MFSD1: variants seen among roughly 807,000 people sequenced by gnomAD.
MFSD1 encodes lysosomal dipeptide transporter MFSD1.
In MFSD1, 59 loss-of-function variants were observed where a neutral mutation model predicts 67.1. That is an observed-to-expected ratio of 0.88 (90% CI 0.71 to 1.09). The LOEUF is 1.09. Ranked by LOEUF, MFSD1 falls within the 50% of genes least tolerant of loss-of-function variation. The pLI is 0.00. For synonymous variants in MFSD1, 213 were observed against 200.3 expected, an observed-to-expected ratio of 1.06 and a Z score of -0.54; for missense variants, 552 against 566.1, an observed-to-expected ratio of 0.97 and a Z score of 0.25.
intron 7 of MFSD1, among the ~76,000 whole-genome samples, chr3:158,815,096 A>T (rs1017110926): frequency 1.3e-5 from 2 of 152,186 alleles, no homozygotes; most frequent in Admixed American, 6.5e-5. Context: ...ACAAACAAAC[A>T]AAAAAACAAC....
At chr3:158,804,001 T>C (rs747917065) in intron 1 of MFSD1, among the ~76,000 whole-genome samples, 1 of 152,210 alleles carries the variant, frequency 6.6e-6, no homozygotes, top group Non-Finnish European at 1.5e-5. Context: ...ATAAATAAAA[T>C]ATAGATGCTT....
chr3:158,806,882 T>C (rs1420917121), intron 3 of MFSD1, among the ~76,000 whole-genome samples, 158 bp from the exon 4 acceptor site: 4 of 152,320 alleles, frequency 2.6e-5, no homozygotes, highest in South Asian at 4.1e-4. Context: ...ATGAGCCCTT[T>C]ATTTTTCTTT....
intron 3 of MFSD1, among the ~76,000 whole-genome samples, chr3:158,805,721 C>T (rs1387191374): frequency 6.6e-6 from 1 of 152,202 alleles, no homozygotes. Flanking sequence ...AAATTATACT[C>T]ACCCTTGGGA....
intron 15 of MFSD1, among the ~76,000 whole-genome samples, chr3:158,827,931 A>AGG (rs1731081963): frequency 5.3e-5 from 1 of 18,974 alleles, no homozygotes. Context: ...AGAGAGAGAG[A>AGG]GAGAGAGAGA....
At chr3:158,810,327 G>A (rs1253616035) in intron 6 of MFSD1, among the ~76,000 whole-genome samples, 1 of 151,794 alleles carries the variant, frequency 6.6e-6, no homozygotes, top group Non-Finnish European at 1.5e-5. Flanking sequence ...AATTTTTTTT[G>A]CCACTAAAAA....
At chr3:158,821,532 C>G in intron 9 of MFSD1, 65 bp from the exon 10 acceptor site, 1 of 1,058,462 alleles carries the variant, frequency 9.4e-7, no homozygotes, top group Non-Finnish European at 1.4e-6. Context: ...TTTTATTCAA[C>G]TTTATTTTTT....
At chr3:158,815,561 G>A (rs1730280975) in intron 7 of MFSD1, among the ~76,000 whole-genome samples, 1 of 150,732 alleles carries the variant, frequency 6.6e-6, no homozygotes, top group African/African-American at 2.4e-5. Flanking sequence ...TGGTAGAAAA[G>A]GTACCATAAT....
At chr3:158,818,929 A>G (rs1375319327) in intron 7 of MFSD1, among the ~76,000 whole-genome samples, 1 of 152,238 alleles carries the variant, frequency 6.6e-6, no homozygotes, top group African/African-American at 2.4e-5. Context: ...TTCCATGTCC[A>G]AGGTGATTCA....
chr3:158,810,604 T>TA (rs754122988), intron 6 of MFSD1, among the ~76,000 whole-genome samples: 2 of 152,212 alleles, frequency 1.3e-5, no homozygotes, highest in Admixed American at 6.5e-5. Flanking sequence ...CTCCATAGGC[T>TA]AAGTGGCTAG....
At position 158,826,077 on chromosome 3, in the gene MFSD1, T is replaced by C; in HGVS notation, c.1336+15T>C. The C allele has an allele frequency of 3.7e-6, 6 of 1,611,608 alleles. No individual in the cohort carries two copies. The highest frequency in any genetic ancestry group is 5.1e-6 in the Non-Finnish European group (6 of 1,177,884). On this transcript the variant is annotated intron_variant, in intron 14 of 15. Transcript: ENST00000415822. The stretch of plus-strand genomic sequence containing the variant: ...TCGTGCCCAGGGTAAGTAGAAGATC[T>C]GATATTTGCTTCTTAAACCGCAGTG...
chr3:158,807,907 A>C (rs1729807765), intron 5 of MFSD1, among the ~76,000 whole-genome samples: 1 of 152,226 alleles, frequency 6.6e-6, no homozygotes, highest in Non-Finnish European at 1.5e-5. Context: ...ATTCTGTGTG[A>C]ATTCTTATAG....
chr3:158,815,689 C>T (rs1238333026), intron 7 of MFSD1, among the ~76,000 whole-genome samples: 2 of 150,212 alleles, frequency 1.3e-5, no homozygotes, highest in Admixed American at 6.7e-5. Flanking sequence ...TTTTAGGGTA[C>T]ATGTGCACAA....
intron 6 of MFSD1, among the ~76,000 whole-genome samples, chr3:158,813,759 A>G (rs552067043): frequency 1.5e-5 from 2 of 133,998 alleles, no homozygotes; most frequent in South Asian, 4.7e-4. Context: ...TTTCTAATAA[A>G]TTGGCTTTTT....
At chr3:158,802,566 C>T in intron 1 of MFSD1, 1 of 697,284 alleles carries the variant, frequency 1.4e-6, no homozygotes, top group Non-Finnish European at 2.6e-6. Flanking sequence ...CTTTGCTCTT[C>T]AGTAAGTCCC....
intron 6 of MFSD1, 73 bp downstream of exon 6, chr3:158,809,360 A>G: frequency 1.0e-6 from 1 of 984,862 alleles, no homozygotes; most frequent in East Asian, 2.4e-5. Flanking sequence ...CTTAAAAATC[A>G]CAGGATGAAA....
chr3:158,808,966 C>T (rs75025639), intron 5 of MFSD1: 1 of 432,090 alleles, frequency 2.3e-6, no homozygotes, highest in African/African-American at 2.0e-5. Context: ...GGTGATGTCA[C>T]CTTTTATAAC....
Position 158,804,398 on chromosome 3 carries a change from T to A in MFSD1, c.216+27T>A, listed in dbSNP as rs146954097. 2.3e-4 allele frequency: 364 copies of A among 1,594,044 alleles called. 1 individual carries two copies. The African/African-American group carries it at 4.4e-3, about 19-fold the overall frequency. On this transcript the variant is annotated intron_variant, in intron 2 of 15. Coordinates refer to ENST00000415822, the MANE Select transcript of MFSD1 (RefSeq NM_022736.4). ...TAAGTTGATTTTTCACTCTTGTTTCTTTTGTTTTCTTTAGAGCAAGTGTAG... is the reference window on the plus strand; with the variant it reads ...TAAGTTGATTTTTCACTCTTGTTTCATTTGTTTTCTTTAGAGCAAGTGTAG...
intron 1 of MFSD1, among the ~76,000 whole-genome samples, chr3:158,803,679 A>C (rs1047998379): frequency 6.6e-5 from 10 of 152,160 alleles, no homozygotes; most frequent in Non-Finnish European, 1.5e-4. Context: ...CTACGAAGGA[A>C]TCTCAATTAT....
intron 7 of MFSD1, among the ~76,000 whole-genome samples, chr3:158,816,102 C>T (rs1440477754): frequency 2.6e-5 from 4 of 151,740 alleles, no homozygotes; most frequent in South Asian, 2.1e-4. Context: ...TGAATAGTGC[C>T]GCAATAAACA....
Sources: allele counts gnomAD v4.1 joint callset (sites outside exome capture counted in the v4.1 genomes callset), GRCh38; gene constraint gnomAD v4.1.1; transcripts MANE v1.5; gene names NCBI Gene and HGNC (gene_info 2026-07-23, HGNC 2026-07-21).